DSCAM: variants seen among roughly 807,000 people sequenced by gnomAD.
DSCAM encodes DS cell adhesion molecule.
In DSCAM, 47 loss-of-function variants were observed where a neutral mutation model predicts 217.7. That is an observed-to-expected ratio of 0.22 (90% confidence interval 0.17 to 0.28). The LOEUF is 0.28. DSCAM is among the 10% of genes least tolerant of loss of function. The pLI is 1.00. For missense variants in DSCAM, 2,080 were observed against 2,618.3 expected, an observed-to-expected ratio of 0.79 and a Z score of 4.49; for synonymous variants, 1,056 against 1,015.3, an observed-to-expected ratio of 1.04 and a Z score of -0.76.
intron 1 of DSCAM, among the ~76,000 whole-genome samples, chr21:40,771,123 T>A (rs891878861): frequency 1.3e-5 from 2 of 152,116 alleles, no homozygotes; most frequent in African/African-American, 4.8e-5. Context: ...AGTTGGGCAG[T>A]GTAAAGAGCT....
intron 3 of DSCAM, among the ~76,000 whole-genome samples, chr21:40,371,034 G>A (rs1455410815): frequency 6.6e-6 from 1 of 152,124 alleles, no homozygotes; most frequent in Non-Finnish European, 1.5e-5. Context: ...AGCAAATACT[G>A]ACCTTGTATA....
intron 2 of DSCAM, among the ~76,000 whole-genome samples, chr21:40,696,496 T>C (rs2146457385): frequency 6.6e-6 from 1 of 152,292 alleles, no homozygotes; most frequent in Admixed American, 6.5e-5. Flanking sequence ...TGTCATTGGC[T>C]TAGGGCTGGC....
At chr21:40,324,805 G>C (rs780239743) in intron 8 of DSCAM, among the ~76,000 whole-genome samples, 1 of 152,052 alleles carries the variant, frequency 6.6e-6, no homozygotes, top group African/African-American at 2.4e-5. Context: ...AATCATCAAG[G>C]CATCAAGAAA....
chr21:40,585,179 C>CT (rs11304632), intron 3 of DSCAM, among the ~76,000 whole-genome samples: 1,773 of 145,892 alleles, frequency 0.012, 36 homozygotes, highest in African/African-American at 0.04. Flanking sequence ...AAATCAACTT[C>CT]TTTTTTTTTT....
At chr21:40,194,735 AGATGCAGT>A (rs2090989344) in intron 11 of DSCAM, among the ~76,000 whole-genome samples, 1 of 152,186 alleles carries the variant, frequency 6.6e-6, no homozygotes, top group Non-Finnish European at 1.5e-5. Flanking sequence ...TGCAGCATAA[AGATGCAGT>A]GGTGTAGTGG....
intron 11 of DSCAM, among the ~76,000 whole-genome samples, chr21:40,223,487 C>A (rs767880232): frequency 6.6e-6 from 1 of 152,178 alleles, no homozygotes; most frequent in Non-Finnish European, 1.5e-5. Flanking sequence ...AATAGGAAGA[C>A]AGCTTTTCTC....
At chr21:40,207,854 C>G (rs1215519577) in intron 11 of DSCAM, among the ~76,000 whole-genome samples, 1 of 152,150 alleles carries the variant, frequency 6.6e-6, no homozygotes, top group African/African-American at 2.4e-5. Flanking sequence ...ACCATCTTCA[C>G]CTGGGGTCCT....
At chr21:40,625,790 C>T (rs2089593179) in intron 3 of DSCAM, among the ~76,000 whole-genome samples, 1 of 152,120 alleles carries the variant, frequency 6.6e-6, no homozygotes, top group African/African-American at 2.4e-5. Flanking sequence ...CAAATAACAA[C>T]AACAAAACAA....
At chr21:40,379,474 G>A (rs965174358) in intron 3 of DSCAM, among the ~76,000 whole-genome samples, 2 of 152,200 alleles carry the variant, frequency 1.3e-5, no homozygotes, top group Admixed American at 6.5e-5. Context: ...TTGCCTAAAA[G>A]CAGAAGGGGA....
chr21:40,089,991 C>T (rs1490395159), intron 21 of DSCAM, among the ~76,000 whole-genome samples: 1 of 152,174 alleles, frequency 6.6e-6, no homozygotes, highest in Non-Finnish European at 1.5e-5. Context: ...AATGTCCTCC[C>T]CATTCCCTGC....
At chr21:40,071,997 C>G (rs965083464) in intron 27 of DSCAM, among the ~76,000 whole-genome samples, 19 of 152,220 alleles carry the variant, frequency 1.2e-4, no homozygotes, top group Admixed American at 6.5e-5. Flanking sequence ...CTTTACCACC[C>G]TCACCTCTGG....
chr21:40,660,661 A>G (rs530323188), intron 3 of DSCAM, among the ~76,000 whole-genome samples: 9 of 152,320 alleles, frequency 5.9e-5, no homozygotes, highest in African/African-American at 1.9e-4. Context: ...GAGTATGGTA[A>G]CATTTACTTT....
chr21:40,835,144 A>AT (rs1047468327), intron 1 of DSCAM, among the ~76,000 whole-genome samples: 4 of 152,032 alleles, frequency 2.6e-5, no homozygotes, highest in African/African-American at 7.2e-5. Flanking sequence ...TCTCATTTTT[A>AT]TTTTTTTTAT....
intron 1 of DSCAM, among the ~76,000 whole-genome samples, chr21:40,804,223 T>C (rs913414825): frequency 1.3e-5 from 2 of 152,020 alleles, no homozygotes; most frequent in African/African-American, 4.8e-5. Context: ...GCTGATGGAG[T>C]GTGGTTCAGA....
intron 3 of DSCAM, among the ~76,000 whole-genome samples, chr21:40,531,040 G>A (rs1396648281): frequency 6.6e-6 from 1 of 152,158 alleles, no homozygotes; most frequent in Non-Finnish European, 1.5e-5. Flanking sequence ...GTGTTGGTCA[G>A]CCTCGTTCCC....
chr21:40,279,573 C>G (rs1243782438), intron 10 of DSCAM, among the ~76,000 whole-genome samples: 1 of 152,178 alleles, frequency 6.6e-6, no homozygotes, highest in African/African-American at 2.4e-5. Flanking sequence ...GTGGCAATTC[C>G]TCAAGGATCT....
chr21:40,301,926 AGGAGGACTCT>A (rs1401226744), intron 9 of DSCAM, among the ~76,000 whole-genome samples: 1 of 152,200 alleles, frequency 6.6e-6, no homozygotes, highest in Non-Finnish European at 1.5e-5. Context: ...ACAGCCTCAT[AGGAGGACTCT>A]GGCCAAGAAG....
chr21:40,541,424 T>C (rs1241848163), intron 3 of DSCAM, among the ~76,000 whole-genome samples: 1 of 152,198 alleles, frequency 6.6e-6, no homozygotes, highest in Non-Finnish European at 1.5e-5. Flanking sequence ...CAGCAAAGCT[T>C]AAATTTAAGT....
chr21:40,192,976 G>A (rs940510791), intron 11 of DSCAM, among the ~76,000 whole-genome samples: 1 of 152,164 alleles, frequency 6.6e-6, no homozygotes, highest in African/African-American at 2.4e-5. Context: ...GCAATTTCAT[G>A]TTTAACATTT....
Sources: gnomAD v4.1 joint callset for allele counts (sites outside exome capture counted in the v4.1 genomes callset) on GRCh38, gnomAD v4.1.1 for gene constraint, MANE v1.5 for transcripts, NCBI Gene and HGNC (gene_info 2026-07-23, HGNC 2026-07-21) for gene names.